The following DPP6 variants were observed in gnomAD, a reference collection of about 807,000 sequenced individuals.
DPP6 encodes the protein A-type potassium channel modulatory protein DPP6.
A neutral mutation model predicts 122.6 loss-of-function variants in DPP6; 69 were observed. That is an observed-to-expected ratio of 0.56 (90% CI 0.46 to 0.69). DPP6 has a LOEUF of 0.69. DPP6 is among the 30% of genes least tolerant of loss of function. DPP6 has a pLI of 0.00. For missense variants in DPP6, 928 were observed against 1,116.9 expected (o/e 0.83, Z 2.41); for synonymous variants, 418 against 433.1 (o/e 0.97, Z 0.43).
At chr7:154,136,132 ATT>A (rs1468657752) in intron 1 of DPP6, among the ~76,000 whole-genome samples, 1 of 151,346 alleles carries the variant, frequency 6.6e-6, no homozygotes, top group Non-Finnish European at 1.5e-5. Context: ...TCATCCATAG[ATT>A]TCTTCCTAAA....
chr7:154,646,003 G>A (rs913270272), intron 6 of DPP6, among the ~76,000 whole-genome samples: 19 of 117,060 alleles, frequency 1.6e-4, no homozygotes, highest in Admixed American at 4.0e-4. Flanking sequence ...ACTCCAGCTC[G>A]GGCGGCAGAG....
chr7:154,388,480 A>G (rs998649827), intron 1 of DPP6, among the ~76,000 whole-genome samples: 1 of 152,170 alleles, frequency 6.6e-6, no homozygotes, highest in Non-Finnish European at 1.5e-5. Flanking sequence ...CTCTTGGAGT[A>G]GTTACTTCAG....
At chr7:154,594,897 C>T (rs561077225) in intron 5 of DPP6, among the ~76,000 whole-genome samples, 34 of 152,228 alleles carry the variant, frequency 2.2e-4, no homozygotes, top group African/African-American at 7.2e-4. Flanking sequence ...GACACAATGC[C>T]GGGCGGATTG....
At chr7:154,751,878 G>A (rs973943906) in intron 8 of DPP6, among the ~76,000 whole-genome samples, 32 of 152,160 alleles carry the variant, frequency 2.1e-4, no homozygotes, top group African/African-American at 7.5e-4. Flanking sequence ...CTGGGGGAGG[G>A]GAAGGAGGAG....
Position 154,282,987 on chromosome 7 carries a change from A to C in DPP6, c.244-163227A>C, listed in dbSNP as rs1804623658. Among the ~76,000 whole-genome samples the C allele has an allele frequency of 6.6e-6, 1 of 152,032 alleles. No homozygotes were observed. The highest frequency in any genetic ancestry group is 1.5e-5 in the Non-Finnish European group (1 of 67,996). The stretch of plus-strand genomic sequence containing the variant: ...GACATCAGAACACGTCTCTCTCTGG[A>C]CTCAGGGACAATACCCATACATATC... On this transcript the variant is annotated intron_variant, in intron 1 of 25. Coordinates refer to ENST00000377770, the MANE Select transcript of DPP6 (RefSeq NM_130797.4). This position sits in a 1 kb window ranked among gnomAD's most constrained non-coding sequence, Gnocchi z 4.8.
intron 5 of DPP6, among the ~76,000 whole-genome samples, chr7:154,579,987 T>G (rs1364956045): frequency 1.3e-5 from 2 of 152,154 alleles, no homozygotes; most frequent in Admixed American, 1.3e-4. Context: ...TTGCCCGGAA[T>G]GAGCCCCATA....
intron 1 of DPP6, among the ~76,000 whole-genome samples, chr7:154,209,780 G>T (rs1420586866): frequency 2.0e-5 from 3 of 152,172 alleles, no homozygotes; most frequent in Non-Finnish European, 2.9e-5. Flanking sequence ...TCATTGTGTT[G>T]CTAATACTTG....
the DPP6 span, among the ~76,000 whole-genome samples, chr7:153,858,216 C>A: frequency 4.1e-4 from 63 of 152,210 alleles, no homozygotes; most frequent in South Asian, 0.013. Flanking sequence ...AGAGTGAGCT[C>A]ATTAATTGTA....
At chr7:154,004,696 A>G (rs909983967) in intron 1 of DPP6, among the ~76,000 whole-genome samples, 2 of 151,452 alleles carry the variant, frequency 1.3e-5, no homozygotes, top group African/African-American at 2.4e-5. Flanking sequence ...TGCCTTCGAG[A>G]GGGAGGAGTC....
chr7:153,811,663 C>T, the DPP6 span, among the ~76,000 whole-genome samples: 1 of 152,010 alleles, frequency 6.6e-6, no homozygotes, highest in African/African-American at 2.4e-5. Context: ...GACCATGAGT[C>T]TCAATTCCTC....
chr7:154,868,227 T>C, intron 18 of DPP6, 134 bp downstream of exon 18: 2 of 1,219,362 alleles, frequency 1.6e-6, no homozygotes, highest in Admixed American at 5.5e-5. Context: ...GCCCCTCAGC[T>C]CCTCTGGCAT....
At chr7:154,721,517 G>T (rs920047238) in intron 7 of DPP6, among the ~76,000 whole-genome samples, 1 of 152,074 alleles carries the variant, frequency 6.6e-6, no homozygotes, top group Non-Finnish European at 1.5e-5. Flanking sequence ...ATACATCAAA[G>T]ACCTAAATAT....
chr7:154,500,008 T>C (rs538266077), intron 3 of DPP6, among the ~76,000 whole-genome samples: 2 of 152,246 alleles, frequency 1.3e-5, no homozygotes, highest in Admixed American at 6.5e-5. Flanking sequence ...AATACATGCT[T>C]AGTGCCCCTG....
upstream of DPP6, among the ~76,000 whole-genome samples, chr7:154,050,736 T>G (rs1035302028): frequency 6.6e-6 from 1 of 151,350 alleles, no homozygotes; most frequent in Non-Finnish European, 1.5e-5. Flanking sequence ...GCCTCTCCCA[T>G]GCAGCAAGTT....
At chr7:153,993,217 A>G (rs895211012) in intron 1 of DPP6, among the ~76,000 whole-genome samples, 3 of 152,176 alleles carry the variant, frequency 2.0e-5, no homozygotes, top group Admixed American at 6.5e-5. Flanking sequence ...CCTGTAACCT[A>G]GCAGGGGTTT....
At chr7:154,356,888 G>A (rs552192281) in intron 1 of DPP6, among the ~76,000 whole-genome samples, 66 of 152,158 alleles carry the variant, frequency 4.3e-4, no homozygotes, top group African/African-American at 1.4e-3. Flanking sequence ...GGCAATTAGC[G>A]AATTTTGTTG....
intron 1 of DPP6, among the ~76,000 whole-genome samples, chr7:154,205,571 C>A (rs1190792809): frequency 6.6e-6 from 1 of 152,070 alleles, no homozygotes; most frequent in Non-Finnish European, 1.5e-5. Flanking sequence ...GATTTCAGGG[C>A]TGAACAGTTC....
the DPP6 span, among the ~76,000 whole-genome samples, chr7:153,880,834 G>C: frequency 6.6e-6 from 1 of 152,122 alleles, no homozygotes; most frequent in Non-Finnish European, 1.5e-5. Flanking sequence ...CTCATTCCTG[G>C]GAGGTTCCTG....
chr7:154,780,458 C>T (rs1473987822), intron 10 of DPP6, among the ~76,000 whole-genome samples: 2 of 152,194 alleles, frequency 1.3e-5, no homozygotes, highest in Non-Finnish European at 2.9e-5. Flanking sequence ...TTATAATGAG[C>T]AGGAGACATC....
Sources: allele counts gnomAD v4.1 joint callset (sites outside exome capture counted in the v4.1 genomes callset), GRCh38; gene constraint gnomAD v4.1.1; non-coding constraint Gnocchi (gnomAD v3.1); transcripts MANE v1.5; gene names NCBI Gene and HGNC (gene_info 2026-07-23, HGNC 2026-07-21).